The following NRXN3 variants were observed in gnomAD, a reference collection of about 807,000 sequenced individuals.
NRXN3 encodes the protein neurexin III.
NRXN3 carries 32 observed loss-of-function variants against 137.6 expected under a neutral mutation model. The observed-to-expected ratio is 0.23, with a 90% CI of 0.18 to 0.31. The LOEUF is 0.31. Among genes scored for constraint, NRXN3 ranks in the 10% least tolerant of loss-of-function variants. NRXN3 has a pLI of 1.00. For missense variants in NRXN3, 1,574 were observed against 2,062.5 expected (o/e 0.76, Z 4.59); for synonymous variants, 798 against 784.5 (o/e 1.02, Z -0.29).
intron 15 of NRXN3, among the ~76,000 whole-genome samples, chr14:79,040,084 G>A (rs1169114735): frequency 8.6e-5 from 13 of 152,036 alleles, no homozygotes; most frequent in Non-Finnish European, 1.3e-4. Context: ...TTCCCATCTC[G>A]CTCATTACCT....
intron 16 of NRXN3, among the ~76,000 whole-genome samples, chr14:79,641,112 A>G (rs2098431168): frequency 7.5e-6 from 1 of 133,470 alleles, no homozygotes; most frequent in African/African-American, 2.5e-5. Flanking sequence ...GGTTCAAGCG[A>G]TTCTCCTGCC....
At chr14:79,348,378 C>CTCTCTCTTTTTTTTTTTT (rs535595782) in intron 15 of NRXN3, among the ~76,000 whole-genome samples, 2 of 135,974 alleles carry the variant, frequency 1.5e-5, no homozygotes, top group African/African-American at 5.8e-5. Flanking sequence ...AATCTTCTCT[C>CTCTCTCTTTTTTTTTTTT]TTTTTTTTTT....
chr14:78,918,220 G>A (rs189566675), intron 10 of NRXN3, among the ~76,000 whole-genome samples: 27 of 145,566 alleles, frequency 1.9e-4, no homozygotes, highest in African/African-American at 6.7e-4. Flanking sequence ...GGGAGGCAGA[G>A]GTTGCAGTAG....
At chr14:78,456,828 T>C (rs2094729009) in intron 4 of NRXN3, among the ~76,000 whole-genome samples, 1 of 128,234 alleles carries the variant, frequency 7.8e-6, no homozygotes, top group Non-Finnish European at 1.8e-5. Context: ...TTTCTTTCTT[T>C]CTTTCTTTCT....
chr14:79,467,694 A>G (rs1277016224), intron 16 of NRXN3, among the ~76,000 whole-genome samples: 1 of 152,186 alleles, frequency 6.6e-6, no homozygotes, highest in Non-Finnish European at 1.5e-5. Context: ...CTTCTAGGGT[A>G]TATTTAAGAG....
intron 2 of NRXN3, among the ~76,000 whole-genome samples, chr14:78,249,817 G>C (rs1037420941): frequency 6.6e-6 from 1 of 152,098 alleles, no homozygotes; most frequent in Admixed American, 6.5e-5. Context: ...CCGAGGAACC[G>C]AGAAATTGGG....
intron 17 of NRXN3, among the ~76,000 whole-genome samples, chr14:79,685,740 A>G (rs745992087): frequency 2.0e-5 from 3 of 152,216 alleles, no homozygotes; most frequent in Non-Finnish European, 4.4e-5. Context: ...CTGAGAAAGG[A>G]TAATGATTGG....
At chr14:79,613,878 T>C (rs911438294) in intron 16 of NRXN3, among the ~76,000 whole-genome samples, 13 of 152,238 alleles carry the variant, frequency 8.5e-5, no homozygotes, top group Admixed American at 6.5e-4. Context: ...TGGTAGCTGG[T>C]GATGCCTCTA....
intron 19 of NRXN3, among the ~76,000 whole-genome samples, chr14:79,734,827 A>G (rs2098936359): frequency 6.6e-6 from 1 of 152,198 alleles, no homozygotes; most frequent in Non-Finnish European, 1.5e-5. Context: ...GAATTCAATT[A>G]TAAGTACAAG....
chr14:79,391,772 G>T (rs2094852381), intron 15 of NRXN3, among the ~76,000 whole-genome samples: 1 of 152,220 alleles, frequency 6.6e-6, no homozygotes, highest in African/African-American at 2.4e-5. Flanking sequence ...AACTTGCCAT[G>T]AAATTGCATT....
intron 4 of NRXN3, among the ~76,000 whole-genome samples, chr14:78,458,699 A>G (rs1183473998): frequency 6.6e-6 from 1 of 152,224 alleles, no homozygotes; most frequent in African/African-American, 2.4e-5. Flanking sequence ...TTAGTCTTTA[A>G]TCCATGAGAA....
chr14:78,679,377 C>G (rs945583697), intron 6 of NRXN3, among the ~76,000 whole-genome samples: 1 of 151,904 alleles, frequency 6.6e-6, no homozygotes, highest in Non-Finnish European at 1.5e-5. Flanking sequence ...TTGTGTTAGT[C>G]TTTTTCTTAC....
chr14:79,501,719 T>G (rs1207985245), intron 16 of NRXN3, among the ~76,000 whole-genome samples: 1 of 148,184 alleles, frequency 6.7e-6, no homozygotes, highest in Non-Finnish European at 1.5e-5. Flanking sequence ...ATTAGCCTCC[T>G]CTTTGAGCTT....
chr14:79,800,234 C>T (rs1476198722), intron 19 of NRXN3, among the ~76,000 whole-genome samples: 4 of 152,164 alleles, frequency 2.6e-5, no homozygotes, highest in African/African-American at 7.2e-5. Flanking sequence ...TAAACATTCC[C>T]AACGTAACTA....
intron 8 of NRXN3, among the ~76,000 whole-genome samples, chr14:78,747,747 ACT>A (rs142082802): frequency 0.06 from 9,049 of 151,966 alleles, 421 homozygotes; most frequent in Admixed American, 0.15. Context: ...CTCCTAAAAC[ACT>A]CTTCTCACAC....
chr14:78,232,093 C>T (rs2065496298), intron 1 of NRXN3, among the ~76,000 whole-genome samples: 1 of 152,262 alleles, frequency 6.6e-6, no homozygotes, highest in Non-Finnish European at 1.5e-5. Flanking sequence ...TCACATTGCT[C>T]TGCAGGAGGT....
At chr14:79,318,212 T>A (rs2153238944) in intron 15 of NRXN3, among the ~76,000 whole-genome samples, 1 of 152,320 alleles carries the variant, frequency 6.6e-6, no homozygotes, top group South Asian at 2.1e-4. Context: ...TTCAAGAACA[T>A]GACAAAATAA....
Position 79,053,069 on chromosome 14 carries a change from T to C in NRXN3, c.3262+64928T>C, listed in dbSNP as rs193131715. ...TCATTCATTGATTTAAAACTCATCA[T>C]GTTGCCACTATTTGCCTGTTCTATG... On this transcript the variant is annotated intron_variant, in intron 15 of 20. Coordinates refer to ENST00000335750, the MANE Select transcript of NRXN3 (RefSeq NM_001330195.2). 5.4e-4 allele frequency among the ~76,000 whole-genome samples: 83 copies of C among 152,386 alleles called. 1 individual carries two copies. The East Asian group carries it at 0.014, about 27-fold the overall frequency.
At chr14:79,532,502 G>T (rs2097178636) in intron 16 of NRXN3, among the ~76,000 whole-genome samples, 1 of 152,168 alleles carries the variant, frequency 6.6e-6, no homozygotes, top group South Asian at 2.1e-4. Flanking sequence ...TGAGATAACA[G>T]GCCCCTCAGC....
Sources: allele counts gnomAD v4.1 joint callset (sites outside exome capture counted in the v4.1 genomes callset), GRCh38; gene constraint gnomAD v4.1.1; transcripts MANE v1.5; gene names NCBI Gene and HGNC (gene_info 2026-07-23, HGNC 2026-07-21).